Variants in GABRB1 observed in about 807,000 individuals in gnomAD.
GABRB1 encodes the protein gamma-aminobutyric acid type A receptor subunit beta1.
Under a neutral mutation model 51.6 loss-of-function variants are expected in GABRB1, and 17 were observed. The observed-to-expected ratio is 0.33, with a 90% confidence interval of 0.23 to 0.49. GABRB1 has a LOEUF of 0.49. GABRB1 is among the 20% of genes least tolerant of loss of function. GABRB1 has a pLI of 0.99. For synonymous variants in GABRB1, 247 were observed against 218.9 expected, an observed-to-expected ratio of 1.13 and a Z score of -1.14; for missense variants, 410 against 600.6, an observed-to-expected ratio of 0.68 and a Z score of 3.32.
chr4:47,111,837 C>T (rs1715226027), intron 3 of GABRB1, among the ~76,000 whole-genome samples: 1 of 152,052 alleles, frequency 6.6e-6, no homozygotes, highest in Non-Finnish European at 1.5e-5. Flanking sequence ...TGCACTCCAA[C>T]CTGGGCGAGA....
At chr4:47,360,898 C>T (rs1726783975) in intron 5 of GABRB1, among the ~76,000 whole-genome samples, 1 of 152,094 alleles carries the variant, frequency 6.6e-6, no homozygotes, top group African/African-American at 2.4e-5. Flanking sequence ...ACTTACTATA[C>T]ATCAAACACA....
intron 3 of GABRB1, among the ~76,000 whole-genome samples, chr4:47,156,135 G>A (rs1717688439): frequency 6.6e-6 from 1 of 151,356 alleles, no homozygotes; most frequent in Admixed American, 6.6e-5. Context: ...TCAATTTTTT[G>A]AGGAACTTCC....
At chr4:47,133,141 TAAATGTATCTGTTTTGTTA>T (rs1370391832) in intron 3 of GABRB1, among the ~76,000 whole-genome samples, 8 of 152,212 alleles carry the variant, frequency 5.3e-5, no homozygotes, top group Admixed American at 3.3e-4. Context: ...ACAAAAGCAT[TAAATGTATCTGTTTTGTTA>T]AAATGTATAT....
upstream of GABRB1, among the ~76,000 whole-genome samples, chr4:47,028,726 GTA>G (rs1201669133): frequency 6.7e-6 from 1 of 149,868 alleles, no homozygotes; most frequent in Non-Finnish European, 1.5e-5. Flanking sequence ...CTGTGTATGT[GTA>G]TATATATACA....
At chr4:47,190,808 C>T (rs901161138) in intron 4 of GABRB1, among the ~76,000 whole-genome samples, 1 of 152,044 alleles carries the variant, frequency 6.6e-6, no homozygotes, top group African/African-American at 2.4e-5. Context: ...GGCCTGAGAT[C>T]GTAGGGAGCA....
At chr4:47,112,058 C>T (rs1715236526) in intron 3 of GABRB1, among the ~76,000 whole-genome samples, 1 of 151,768 alleles carries the variant, frequency 6.6e-6, no homozygotes, top group Non-Finnish European at 1.5e-5. Context: ...CAACCTCCAC[C>T]TCCCGGGTTC....
intron 4 of GABRB1, among the ~76,000 whole-genome samples, chr4:47,172,705 G>T (rs576342921): frequency 2.3e-5 from 3 of 131,554 alleles, no homozygotes; most frequent in Non-Finnish European, 4.6e-5. Flanking sequence ...GCAGTGGCAC[G>T]GTCTCAACTC....
intron 3 of GABRB1, among the ~76,000 whole-genome samples, chr4:47,082,610 A>G (rs1249792059): frequency 1.3e-5 from 2 of 152,074 alleles, no homozygotes; most frequent in Non-Finnish European, 2.9e-5. Flanking sequence ...AGGAAGTGTA[A>G]TGGGCTGGAA....
intron 8 of GABRB1, among the ~76,000 whole-genome samples, chr4:47,417,087 T>C (rs1442193904): frequency 6.6e-6 from 1 of 152,180 alleles, no homozygotes; most frequent in Non-Finnish European, 1.5e-5. Flanking sequence ...AGTACTGTTC[T>C]GGAAAATTGC....
chr4:47,197,392 A>C (rs1027544549), intron 4 of GABRB1, among the ~76,000 whole-genome samples: 1 of 152,306 alleles, frequency 6.6e-6, no homozygotes, highest in Admixed American at 6.5e-5. Context: ...ATTAATGGCA[A>C]TGTGGTACAA....
chr4:47,235,754 CTA>C (rs1301608986), intron 4 of GABRB1, among the ~76,000 whole-genome samples: 1 of 151,960 alleles, frequency 6.6e-6, no homozygotes, highest in Non-Finnish European at 1.5e-5. Flanking sequence ...TTTGAATATT[CTA>C]GTCTAGCTTT....
intron 5 of GABRB1, among the ~76,000 whole-genome samples, chr4:47,323,861 G>T (rs1025717761): frequency 1.2e-4 from 19 of 152,282 alleles, no homozygotes; most frequent in African/African-American, 4.6e-4. Context: ...GCTTGAACTT[G>T]GAGCAGATTA....
intron 1 of GABRB1, among the ~76,000 whole-genome samples, chr4:47,012,044 T>C (rs554056109): frequency 2.0e-5 from 3 of 152,210 alleles, no homozygotes; most frequent in Admixed American, 6.5e-5. Flanking sequence ...GCTTCCTGAG[T>C]ATCCACCACA....
chr4:47,390,516 A>G (rs1202742305), intron 5 of GABRB1, among the ~76,000 whole-genome samples: 1 of 152,234 alleles, frequency 6.6e-6, no homozygotes, highest in Non-Finnish European at 1.5e-5. Flanking sequence ...TACTTCTACA[A>G]TTGTACTAAC....
chr4:47,024,503 A>G (rs1448126301), intron 1 of GABRB1, among the ~76,000 whole-genome samples: 1 of 151,990 alleles, frequency 6.6e-6, no homozygotes, highest in Non-Finnish European at 1.5e-5. Context: ...CGACCGAAGA[A>G]AATATTTGTT....
At chr4:47,171,791 C>T (rs1718444631) in intron 4 of GABRB1, among the ~76,000 whole-genome samples, 1 of 152,084 alleles carries the variant, frequency 6.6e-6, no homozygotes, top group African/African-American at 2.4e-5. Context: ...ACACATGTTG[C>T]TTACATCATC....
intron 3 of GABRB1, among the ~76,000 whole-genome samples, chr4:47,126,311 T>C (rs1577931878): frequency 1.3e-5 from 2 of 152,142 alleles, no homozygotes; most frequent in East Asian, 1.9e-4. Flanking sequence ...GGCTCAGTTA[T>C]GAAAGATAAA....
chr4:47,277,362 C>T (rs1432942804), intron 4 of GABRB1, among the ~76,000 whole-genome samples: 5 of 151,770 alleles, frequency 3.3e-5, no homozygotes, highest in African/African-American at 7.3e-5. Flanking sequence ...AGCAGAGGCT[C>T]GGAAGGATAG....
intron 3 of GABRB1, among the ~76,000 whole-genome samples, chr4:47,094,762 TAAA>T (rs34400036): frequency 2.5e-5 from 3 of 122,266 alleles, no homozygotes; most frequent in African/African-American, 3.1e-5. Flanking sequence ...AACTTAAAGG[TAAA>T]AAAAAAAAAA....
Sources: gnomAD v4.1 joint callset for allele counts (sites outside exome capture counted in the v4.1 genomes callset) on GRCh38, gnomAD v4.1.1 for gene constraint, MANE v1.5 for transcripts, NCBI Gene and HGNC (gene_info 2026-07-23, HGNC 2026-07-21) for gene names.